TYK2: variants seen among roughly 807,000 people sequenced by gnomAD.
TYK2 encodes tyrosine kinase 2, also known as non-receptor tyrosine-protein kinase TYK2.
A neutral mutation model predicts 130.9 loss-of-function variants in TYK2; 65 were observed. That is an observed-to-expected ratio of 0.50 (90% CI 0.41 to 0.61). TYK2 has a LOEUF of 0.61. Ranked by LOEUF, TYK2 falls within the 20% of genes least tolerant of loss-of-function variation. TYK2 has a pLI of 0.00. For missense variants in TYK2, 1,378 were observed against 1,610.7 expected, an observed-to-expected ratio of 0.86 and a Z score of 2.47; for synonymous variants, 647 against 658.9, an observed-to-expected ratio of 0.98 and a Z score of 0.28.
chr19:10,353,932 G>C lies in TYK2; in HGVS notation c.2908+110C>G. On this transcript the variant is annotated intron_variant, in intron 20 of 24. Coordinates refer to ENST00000525621, the MANE Select transcript of TYK2 (RefSeq NM_003331.5). The surrounding 1 kb of genome is among the most constrained non-coding windows in gnomAD (Gnocchi z 6.9). The stretch of plus-strand genomic sequence containing the variant: ...TGCCAAGAACCGCGTACTGCAGCCT[G>C]GGGTTGAGAGTCTCTAATTGGCTAG... The C allele has an allele frequency of 2.5e-6, 3 of 1,183,528 alleles. No individual in the cohort carries two copies. The highest frequency in any genetic ancestry group is 1.3e-5 in the South Asian group (1 of 78,932). 73.3% of individuals were successfully genotyped at this position (1,183,528 alleles called of 1,614,324 possible).
chr19:10,362,454 T>C lies in TYK2; in HGVS notation c.1479A>G (p.Ala493=), dbSNP rs1476001149. The C allele has an allele frequency of 6.3e-7, 1 of 1,598,910 alleles. No homozygotes were observed. Among genetic ancestry groups the C allele is most frequent in the Non-Finnish European group, 8.5e-7 (1 of 1,171,764 alleles). Residue 493 remains alanine (A), a splice_region_variant and synonymous_variant, in exon 11 of 25, where the codon GCA becomes GCG. Transcript: ENST00000525621. The part of the protein sequence containing the change: ...LILTVAQRSQ[A]PDGMQSLRLR... ...GCCGCAAGCTCTGCATGCCGTCTGG[T>C]GCCTGGCAGGAGGTGGCAGAGGTGG...
intron 4 of TYK2, 42 bp from the exon 5 acceptor site, chr19:10,368,244 A>C: frequency 6.2e-7 from 1 of 1,614,166 alleles, no homozygotes; most frequent in Non-Finnish European, 8.5e-7. Context: ...GCACAGAGTC[A>C]GACCAGCTTC....
chr19:10,368,253 T>G (rs765651257), intron 4 of TYK2, 42 bp downstream of exon 4: 1 of 1,614,142 alleles, frequency 6.2e-7, no homozygotes, highest in Non-Finnish European at 8.5e-7. Flanking sequence ...CAGACCAGCT[T>G]CAGCACAGGA....
rs1341670361 is a variant in TYK2 at position 10,352,583 on chromosome 19, G to C, written c.3201-32C>G. 6.5e-6 allele frequency: 7 copies of C among 1,079,686 alleles called. No homozygotes were observed. In the South Asian group the frequency reaches 8.8e-5, roughly 14 times the overall value. 66.9% of individuals were successfully genotyped at this position (1,079,686 alleles called of 1,614,324 possible). On this transcript the variant is annotated intron_variant, in intron 22 of 24. Transcript: ENST00000525621. ...GGAGGGGGGCACTCAGGCCACGGGG[G>C]GCTGCACTGAGGGCTTGGGGATCAG... is the stretch of plus-strand genomic sequence containing the variant.
Position 10,365,722 on chromosome 19 carries a change from C to T in TYK2, c.806G>A (p.Arg269His), listed in dbSNP as rs770841701. 27 of 1,612,798 alleles carry T rather than the reference C, an allele frequency of 1.7e-5. No individual in the cohort carries two copies. The highest frequency in any genetic ancestry group is 1.3e-4 in the East Asian group (6 of 44,888). The change falls in exon 7 of 25, where the codon CGC becomes CAC. Residue 269 changes from arginine (R) to histidine (H), a missense_variant. Physicochemically the swap from Arg to His is conservative, Grantham distance 29. Transcript: ENST00000525621. Reference sequence around the variant, plus strand: ...CACGGGCACACGCTCTGTGCCGAAGCGGGGTGCCAGCCGCTCGAGTGTGGC... The same window carrying T: ...CACGGGCACACGCTCTGTGCCGAAGTGGGGTGCCAGCCGCTCGAGTGTGGC... ...YLATLERLAP[R>H]FGTERVPVCH... is the part of the protein sequence containing the mutation.
rs761081566 is a variant in TYK2 at position 10,364,670 on chromosome 19, C to G, written c.1311G>C (p.Glu437Asp). 1 of 1,613,964 alleles carries G rather than the reference C, an allele frequency of 6.2e-7. No homozygotes were observed. The highest frequency in any genetic ancestry group is 8.5e-7 in the Non-Finnish European group (1 of 1,180,002). The change falls in exon 9 of 25, where the codon GAG (glutamate) becomes GAC (aspartate). Residue 437 changes from glutamate to aspartate, a missense_variant. Transcript: ENST00000525621. The surrounding 1 kb of genome is among the most constrained non-coding windows in gnomAD (Gnocchi z 4.9). Reference sequence around the variant, plus strand: ...TCATCACCAGCCGTGGGGGAGCCACCTCGTGGCACAGGTAGTGGCTGGAGT... The same window carrying G: ...TCATCACCAGCCGTGGGGGAGCCACGTCGTGGCACAGGTAGTGGCTGGAGT... Reference protein sequence around the residue: ...TADSSHYLCHEVAPPRLVMSI... With the variant: ...TADSSHYLCHDVAPPRLVMSI...
intron 3 of TYK2, chr19:10,369,642 T>C (rs911370637): frequency 1.8e-5 from 8 of 433,488 alleles, no homozygotes; most frequent in Non-Finnish European, 1.8e-5. Flanking sequence ...TGGGGCTCCA[T>C]CCACCACCTT....
rs1421177533 is a variant in TYK2, at chr19:10,366,546, A to C, written c.500T>G (p.Leu167Arg). 6.2e-7 allele frequency: 1 copy of C among 1,614,044 alleles called. No homozygotes were observed. The highest frequency in any genetic ancestry group is 1.1e-5 in the South Asian group (1 of 91,074). Reference protein sequence around the residue: ...KHEFVNDVASLWELSTEEEIH... With the variant: ...KHEFVNDVASRWELSTEEEIH... The stretch of plus-strand genomic sequence containing the variant: ...CTCCTCCTCGGTCGACAGCTCCCAC[A>C]GTGATGCCACGTCATTCACAAACTC... The change falls in exon 6 of 25, where the codon CTG becomes CGG. Residue 167 changes from leucine to arginine, a missense_variant. Leu to Arg is a moderately radical substitution (Grantham distance 102). Transcript: ENST00000525621.
At position 10,353,995 on chromosome 19, in the gene TYK2, C is replaced by T; in HGVS notation, c.2908+47G>A. The T allele has an allele frequency of 6.2e-7, 1 of 1,600,246 alleles. No individual in the cohort carries two copies. On this transcript the variant is annotated intron_variant, in intron 20 of 24. Transcript: ENST00000525621. This position sits in a 1 kb window ranked among gnomAD's most constrained non-coding sequence, Gnocchi z 6.9. ...CCGCCCACAAGGCCACACCCACGCT[C>T]TAACCACGCCCCCTCAAGTCTCTAG...
chr19:10,361,575 G>A lies in TYK2; in HGVS notation c.1983C>T (p.Leu661=). 2.6e-6 allele frequency: 4 copies of A among 1,549,114 alleles called. No homozygotes were observed. Among genetic ancestry groups the A allele is most frequent in the East Asian group, 2.4e-5 (1 of 41,068 alleles). ...GGTGCGTGTGGGAGACCTGGCTCAT[G>A]AGGCTGGCTGTCTCGTAGAAGGCCT... is the stretch of plus-strand genomic sequence containing the variant. ...IALAFYETAS[L]MSQVSHTHLA... is the part of the protein sequence containing the mutation. Residue 661 remains leucine, a synonymous_variant, in exon 14 of 25, where the codon CTC becomes CTT. Transcript: ENST00000525621. The surrounding 1 kb of genome is among the most constrained non-coding windows in gnomAD (Gnocchi z 4.0).
chr19:10,360,386 G>A (rs1446284873), intron 14 of TYK2, among the ~76,000 whole-genome samples: 1 of 151,672 alleles, frequency 6.6e-6, no homozygotes, highest in Non-Finnish European at 1.5e-5. Context: ...CATCCCAGGT[G>A]CTCAAGAGGC....
intron 3 of TYK2, among the ~76,000 whole-genome samples, chr19:10,373,142 T>C (rs1291922915): frequency 6.6e-6 from 1 of 151,588 alleles, no homozygotes; most frequent in Non-Finnish European, 1.5e-5. Context: ...GTTCAAGCGA[T>C]TCTCCTGCCT....
In TYK2 at chr19:10,361,204, G is replaced by A. The variant is rs1453406128; in HGVS notation, c.2047+307C>T. 3 of 564,726 alleles carry A rather than the reference G, an allele frequency of 5.3e-6. No homozygotes were observed. Among genetic ancestry groups the A allele is most frequent in the Non-Finnish European group, 6.5e-6 (2 of 306,950 alleles). 35.0% of individuals were successfully genotyped at this position (564,726 alleles called of 1,614,324 possible). A position where few individuals can be genotyped will look rare whatever the true frequency, so the allele number is the denominator to read the frequency against. On this transcript the variant is annotated intron_variant, in intron 14 of 24. Transcript: ENST00000525621. This position sits in a 1 kb window ranked among gnomAD's most constrained non-coding sequence, Gnocchi z 4.0. ...TGCTGATGGGGCCAGGAGCAGATGG[G>A]GGCTGGACTGTAGAGGTTGTTTGGG...
intron 3 of TYK2, chr19:10,368,741 G>T: frequency 1.1e-5 from 4 of 371,586 alleles, no homozygotes; most frequent in South Asian, 7.0e-5. Flanking sequence ...TATGATGAAG[G>T]CTTCTTGTGA....
In TYK2 at chr19:10,353,033, C is replaced by A; in HGVS notation, c.3093G>T (p.Leu1031=). The A allele has an allele frequency of 6.2e-7, 1 of 1,600,188 alleles. No individual in the cohort carries two copies. Among genetic ancestry groups the A allele is most frequent in the Non-Finnish European group, 8.5e-7 (1 of 1,172,608 alleles). The change falls in exon 22 of 25, where the codon CTG becomes CTT. Residue 1031 remains leucine (L), a synonymous_variant. Transcript: ENST00000525621. The surrounding 1 kb of genome is among the most constrained non-coding windows in gnomAD (Gnocchi z 6.9). ...CGATCTTGACCAGCCTGTCGTTGTC[C>A]AGCAGCACGTTGCGCGCGGCTAGGT... is the stretch of plus-strand genomic sequence containing the variant. ...HRDLAARNVL[L]DNDRLVKIGD... is the part of the protein sequence containing the mutation.
chr19:10,371,928 T>C (rs1473118002), intron 3 of TYK2, among the ~76,000 whole-genome samples: 2 of 152,078 alleles, frequency 1.3e-5, no homozygotes, highest in Non-Finnish European at 2.9e-5. Context: ...GAGCTGACTG[T>C]TTATAGAGTG....
intron 3 of TYK2, among the ~76,000 whole-genome samples, chr19:10,372,920 A>G (rs904974170): frequency 6.6e-6 from 1 of 151,790 alleles, no homozygotes; most frequent in Non-Finnish European, 1.5e-5. Flanking sequence ...CTGGAGTGCA[A>G]TGTTGCAATC....
At chr19:10,379,227 G>A (rs1164342809) in intron 2 of TYK2, among the ~76,000 whole-genome samples, 1 of 151,998 alleles carries the variant, frequency 6.6e-6, no homozygotes, top group Non-Finnish European at 1.5e-5. Context: ...TACTCGGGAG[G>A]CTGAAGTGGG....
intron 3 of TYK2, among the ~76,000 whole-genome samples, chr19:10,375,646 G>C (rs993899769): frequency 8.6e-5 from 13 of 151,684 alleles, no homozygotes; most frequent in Non-Finnish European, 1.6e-4. Context: ...GCCGGGCATG[G>C]TGGCTCACAC....
Sources: gnomAD v4.1 joint callset for allele counts (sites outside exome capture counted in the v4.1 genomes callset) on GRCh38, gnomAD v4.1.1 for gene constraint, Gnocchi (gnomAD v3.1) non-coding constraint, MANE v1.5 for transcripts, NCBI Gene and HGNC (gene_info 2026-07-23, HGNC 2026-07-21) for gene names.